Variants in BRINP1 observed in about 807,000 individuals in gnomAD.
BRINP1 encodes the protein BMP/retinoic acid-inducible neural-specific protein 1.
BRINP1 carries 17 observed loss-of-function variants against 72.9 expected under a neutral mutation model. The ratio of observed to expected loss-of-function variants is 0.23; its 90% CI spans 0.16 to 0.35. The LOEUF (loss-of-function observed/expected upper bound fraction) is 0.35, where lower values mean the gene tolerates loss of function less well. Ranked by LOEUF, BRINP1 falls within the 10% of genes least tolerant of loss-of-function variation. The probability of loss-of-function intolerance (pLI) is 1.00; values close to 1 mark genes in which losing one functional copy is unlikely to be tolerated. For missense variants in BRINP1, 850 were observed against 1,001.6 expected, an observed-to-expected ratio of 0.85 and a Z score of 2.04; for synonymous variants, 418 against 378.5, an observed-to-expected ratio of 1.10 and a Z score of -1.21.
At chr9:119,189,403 A>G (rs886244611) in intron 7 of BRINP1, among the ~76,000 whole-genome samples, 1 of 152,278 alleles carries the variant, frequency 6.6e-6, no homozygotes, top group East Asian at 1.9e-4. Flanking sequence ...GAAAAGACTC[A>G]ACTATAGGCT....
intron 1 of BRINP1, among the ~76,000 whole-genome samples, chr9:119,343,734 G>A (rs1038540486): frequency 6.6e-6 from 1 of 152,112 alleles, no homozygotes; most frequent in African/African-American, 2.4e-5. Context: ...TCTGCCTGAG[G>A]CTGTGCTATA....
intron 1 of BRINP1, among the ~76,000 whole-genome samples, chr9:119,346,332 A>G (rs1186294303): frequency 6.6e-6 from 1 of 152,136 alleles, no homozygotes; most frequent in Non-Finnish European, 1.5e-5. Flanking sequence ...AGCCTTTTTG[A>G]CCCCATGGCC....
chr9:119,249,857 AGGG>A (rs766600030), intron 2 of BRINP1, among the ~76,000 whole-genome samples: 2,196 of 46,126 alleles, frequency 0.048, 56 homozygotes, highest in Non-Finnish European at 0.063. Context: ...GAAGGAAGGG[AGGG>A]AGGGAGGGAG....
chr9:119,206,357 T>C (rs1457852579), intron 7 of BRINP1, among the ~76,000 whole-genome samples: 2 of 143,100 alleles, frequency 1.4e-5, no homozygotes, highest in African/African-American at 5.4e-5. Flanking sequence ...GAGACGGAGG[T>C]TGCAGTGAAC....
chr9:119,172,624 C>G (rs1306006638), intron 7 of BRINP1, among the ~76,000 whole-genome samples: 1 of 151,398 alleles, frequency 6.6e-6, no homozygotes, highest in African/African-American at 2.4e-5. Context: ...CTCCCTAACT[C>G]ATTTTATGAG....
chr9:119,249,830 G>A (rs1260637627), intron 2 of BRINP1, among the ~76,000 whole-genome samples: 3 of 59,944 alleles, frequency 5.0e-5, no homozygotes, highest in Admixed American at 2.6e-4. Flanking sequence ...AAGGAAGGAA[G>A]GAAGGAAGGA....
intron 7 of BRINP1, among the ~76,000 whole-genome samples, chr9:119,182,753 T>G (rs569688175): frequency 1.3e-5 from 2 of 152,238 alleles, no homozygotes; most frequent in African/African-American, 4.8e-5. Flanking sequence ...CTCCTCAGTC[T>G]TTGTTATTTC....
chr9:119,350,185 C>T (rs1389007303), intron 1 of BRINP1, among the ~76,000 whole-genome samples: 1 of 152,158 alleles, frequency 6.6e-6, no homozygotes, highest in Non-Finnish European at 1.5e-5. Context: ...CATCTGGGAA[C>T]AACTGCTCTG....
intron 7 of BRINP1, among the ~76,000 whole-genome samples, chr9:119,180,175 G>T (rs1209507489): frequency 6.6e-6 from 1 of 152,166 alleles, no homozygotes; most frequent in Admixed American, 6.5e-5. Flanking sequence ...AAGAAAAACA[G>T]ATCTAGGTTA....
intron 2 of BRINP1, among the ~76,000 whole-genome samples, chr9:119,298,379 G>C (rs758824624): frequency 5.3e-5 from 8 of 152,152 alleles, no homozygotes; most frequent in Admixed American, 6.5e-5. Flanking sequence ...TCTTTAAGGA[G>C]AAGGAATTTG....
chr9:119,202,207 C>T (rs1490304384), intron 7 of BRINP1, among the ~76,000 whole-genome samples: 4 of 152,224 alleles, frequency 2.6e-5, no homozygotes, highest in East Asian at 1.9e-4. Context: ...GATAAATTAG[C>T]GCTACTTCAT....
chr9:119,181,384 C>T (rs893495155), intron 7 of BRINP1, among the ~76,000 whole-genome samples: 1 of 152,070 alleles, frequency 6.6e-6, no homozygotes, highest in Non-Finnish European at 1.5e-5. Flanking sequence ...AGTGCTGGGC[C>T]CTGCTCTACC....
At chr9:119,231,253 C>T (rs1830146928) in intron 5 of BRINP1, among the ~76,000 whole-genome samples, 2 of 151,964 alleles carry the variant, frequency 1.3e-5, no homozygotes, top group Non-Finnish European at 2.9e-5. Flanking sequence ...TTGTACTAGC[C>T]TCTGATCTCA....
chr9:119,332,852 T>C (rs1326119426), intron 1 of BRINP1, among the ~76,000 whole-genome samples: 1 of 152,092 alleles, frequency 6.6e-6, no homozygotes, highest in African/African-American at 2.4e-5. Context: ...TTAAAGCCAA[T>C]GAATTGGGTG....
At chr9:119,229,937 T>C (rs1830130958) in intron 5 of BRINP1, among the ~76,000 whole-genome samples, 1 of 152,004 alleles carries the variant, frequency 6.6e-6, no homozygotes. Flanking sequence ...AGATGGTTCT[T>C]ATCAAACAAG....
chr9:119,214,269 T>C (rs1401280581), intron 5 of BRINP1, 114 bp from the exon 6 acceptor site: 7 of 755,442 alleles, frequency 9.3e-6, no homozygotes, highest in African/African-American at 1.8e-5. Flanking sequence ...TCCCTGTGTA[T>C]TGGAACCAAT....
Position 119,231,727 on chromosome 9 carries a change from T to C in BRINP1, c.685+6928A>G, listed in dbSNP as rs560377328. ...TCTCTGTTTTGAAAAACTTTCCTTA[T>C]ATAACATCCAAGATTCTATACTCTC... On this transcript the variant is annotated intron_variant, in intron 5 of 7. Transcript: ENST00000265922. Among the ~76,000 whole-genome samples, 5 of 152,164 alleles carry C rather than the reference T, an allele frequency of 3.3e-5. No homozygotes were observed. The East Asian group carries it at 9.7e-4, about 29-fold the overall frequency.
At chr9:119,307,828 G>A (rs563166725) in intron 2 of BRINP1, among the ~76,000 whole-genome samples, 11 of 152,236 alleles carry the variant, frequency 7.2e-5, no homozygotes, top group South Asian at 2.1e-4. Flanking sequence ...AAAGGTCTGC[G>A]GTAAGAAGTC....
Position 119,369,332 on chromosome 9 carries a change from C to A in BRINP1, c.-327G>T, listed in dbSNP as rs1042321341. ...GCTCTCGCTCTCGCTGTTGCTCGCT[C>A]GCTCTCTCCCTCTCTCGCGGGTTCG... On this transcript the variant is annotated 5_prime_UTR_variant, in exon 1 of 8. Transcript: ENST00000265922. The A allele has an allele frequency of 1.5e-5, 6 of 398,514 alleles. No homozygotes were observed. Among genetic ancestry groups the A allele is most frequent in the Non-Finnish European group, 2.7e-5 (6 of 226,142 alleles). The allele number at this position is 398,514 out of a possible 1,614,324, so 24.7% of individuals were successfully genotyped here. A position where few individuals can be genotyped will look rare whatever the true frequency, so the allele number is the denominator to read the frequency against.
Sources: gnomAD v4.1 joint callset for allele counts (sites outside exome capture counted in the v4.1 genomes callset) on GRCh38, gnomAD v4.1.1 for gene constraint, MANE v1.5 for transcripts, NCBI Gene and HGNC (gene_info 2026-07-23, HGNC 2026-07-21) for gene names.